SMCHD1: variants seen among roughly 807,000 people sequenced by gnomAD.
SMCHD1 encodes structural maintenance of chromosomes flexible hinge domain containing 1, also known as structural maintenance of chromosomes flexible hinge domain-containing protein 1.
In SMCHD1, 78 loss-of-function variants were observed where a neutral mutation model predicts 254.7. That is an observed-to-expected ratio of 0.31 (90% CI 0.26 to 0.37). The LOEUF is 0.37. SMCHD1 is among the 10% of genes least tolerant of loss of function. The pLI is 1.00. For synonymous variants in SMCHD1, 766 were observed against 794.9 expected, an observed-to-expected ratio of 0.96 and a Z score of 0.61; for missense variants, 1,840 against 2,408.1, an observed-to-expected ratio of 0.76 and a Z score of 4.94.
intron 3 of SMCHD1, among the ~76,000 whole-genome samples, chr18:2,669,933 G>C (rs141167554): frequency 1.5e-3 from 231 of 151,990 alleles, no homozygotes; most frequent in African/African-American, 5.3e-3. Context: ...AAATCCTTTG[G>C]GTCCTATTCT....
At chr18:2,674,322 A>G (rs985250135) in intron 5 of SMCHD1, among the ~76,000 whole-genome samples, 177 bp downstream of exon 5, 2 of 152,198 alleles carry the variant, frequency 1.3e-5, no homozygotes, top group Admixed American at 6.5e-5. Context: ...GAACTATGTA[A>G]TATTGTGCCT....
chr18:2,675,950 G>T (rs2073738345), intron 5 of SMCHD1, among the ~76,000 whole-genome samples: 2 of 152,198 alleles, frequency 1.3e-5, no homozygotes, highest in South Asian at 4.1e-4. Context: ...TTTGGTGTCA[G>T]TAAACAATCA....
At chr18:2,678,350 G>T (rs1295212856) in intron 5 of SMCHD1, among the ~76,000 whole-genome samples, 2 of 144,782 alleles carry the variant, frequency 1.4e-5, no homozygotes, top group Non-Finnish European at 3.0e-5. Flanking sequence ...GCCCAGGCTG[G>T]AGTGCAATGG....
intron 34 of SMCHD1, chr18:2,760,435 C>T (rs891080905): frequency 3.2e-5 from 12 of 369,870 alleles, no homozygotes; most frequent in Admixed American, 1.8e-4. Context: ...ATATCCAGCA[C>T]GTTTATTCTG....
At chr18:2,762,940 T>G (rs1463019393) in intron 36 of SMCHD1, among the ~76,000 whole-genome samples, 1 of 152,172 alleles carries the variant, frequency 6.6e-6, no homozygotes, top group Non-Finnish European at 1.5e-5. Flanking sequence ...TGACTGCTCA[T>G]AGTTAAGAAA....
intron 17 of SMCHD1, among the ~76,000 whole-genome samples, chr18:2,713,548 G>A (rs1351306455): frequency 2.6e-5 from 4 of 152,046 alleles, no homozygotes; most frequent in Non-Finnish European, 5.9e-5. Flanking sequence ...AGCCAGGTGT[G>A]GTGATGTGCG....
At chr18:2,744,021 G>A (rs2075400849) in intron 29 of SMCHD1, 93 bp downstream of exon 29, 2 of 1,122,656 alleles carry the variant, frequency 1.8e-6, no homozygotes, top group Non-Finnish European at 2.4e-6. Flanking sequence ...ATATTTTGTT[G>A]CTGAAGTAAC....
At chr18:2,722,728 G>A (rs2074951798) in intron 20 of SMCHD1, 65 bp downstream of exon 20, 1 of 1,422,468 alleles carries the variant, frequency 7.0e-7, no homozygotes, top group South Asian at 1.5e-5. Flanking sequence ...CTTTTTTTCA[G>A]CTTCATTTTT....
At chr18:2,722,432 T>C in intron 19 of SMCHD1, 87 bp from the exon 20 acceptor site, 1 of 1,105,274 alleles carries the variant, frequency 9.0e-7, no homozygotes, top group Non-Finnish European at 1.3e-6. Flanking sequence ...CTAAAATTTC[T>C]CAGATAGAAA....
chr18:2,754,977 A>G (rs968333784), intron 34 of SMCHD1, among the ~76,000 whole-genome samples: 1 of 152,128 alleles, frequency 6.6e-6, no homozygotes, highest in Non-Finnish European at 1.5e-5. Flanking sequence ...GTTTTTGGTT[A>G]GAGAGATGCA....
At chr18:2,661,687 T>C (rs992260125) in intron 1 of SMCHD1, among the ~76,000 whole-genome samples, 1 of 152,208 alleles carries the variant, frequency 6.6e-6, no homozygotes, top group Non-Finnish European at 1.5e-5. Context: ...TACAATTAGA[T>C]GGTCAGGAGC....
chr18:2,698,638 G>A (rs1568171154), intron 10 of SMCHD1, among the ~76,000 whole-genome samples: 4 of 151,696 alleles, frequency 2.6e-5, no homozygotes, highest in African/African-American at 9.7e-5. Flanking sequence ...AAAGTACTAG[G>A]ATTACAGGTG....
In SMCHD1 at chr18:2,775,999, T is replaced by C. The variant is rs2076059827; in HGVS notation, c.5366+75T>C. 7.1e-6 allele frequency: 9 copies of C among 1,268,396 alleles called. No homozygotes were observed. The South Asian group carries it at 1.0e-4, about 14-fold the overall frequency. 78.6% of individuals were successfully genotyped at this position (1,268,396 alleles called of 1,614,324 possible). ...TTTATCAAAGCCTTGAATTTAAAAA[T>C]GATTTCTCTAAAAGATACCTAAAAC... On this transcript the variant is annotated intron_variant, in intron 42 of 47. Coordinates refer to ENST00000320876, the MANE Select transcript of SMCHD1 (RefSeq NM_015295.3).
At chr18:2,733,614 A>G (rs550450418) in intron 25 of SMCHD1, among the ~76,000 whole-genome samples, 49 of 152,326 alleles carry the variant, frequency 3.2e-4, no homozygotes, top group Non-Finnish European at 5.3e-4. Flanking sequence ...ACAGTTTTCT[A>G]TGTTGACCTA....
intron 7 of SMCHD1, among the ~76,000 whole-genome samples, chr18:2,689,444 C>G (rs957545698): frequency 1.3e-4 from 19 of 151,958 alleles, no homozygotes; most frequent in African/African-American, 4.6e-4. Flanking sequence ...TGGTTTTGAA[C>G]TCCTGACCTC....
intron 1 of SMCHD1, among the ~76,000 whole-genome samples, chr18:2,659,766 A>G (rs561859907): frequency 3.1e-5 from 2 of 64,570 alleles, no homozygotes; most frequent in East Asian, 2.3e-4. Flanking sequence ...AGATTTTGAA[A>G]AAAAAAAAAA....
chr18:2,784,752 T>A, intron 45 of SMCHD1, 131 bp downstream of exon 45: 2 of 1,043,410 alleles, frequency 1.9e-6, no homozygotes, highest in Non-Finnish European at 2.8e-6. Flanking sequence ...AAGTAAGATG[T>A]TTTTGTCTAC....
chr18:2,763,472 C>T (rs1368334837), intron 36 of SMCHD1, among the ~76,000 whole-genome samples, 165 bp from the exon 37 acceptor site: 1 of 152,138 alleles, frequency 6.6e-6, no homozygotes, highest in African/African-American at 2.4e-5. Context: ...TATTTCTTGC[C>T]TGTGGAACAC....
chr18:2,774,115 G>A (rs2143762074), intron 41 of SMCHD1, among the ~76,000 whole-genome samples: 2 of 151,746 alleles, frequency 1.3e-5, no homozygotes, highest in South Asian at 4.1e-4. Flanking sequence ...AGATGTAGTA[G>A]CAGTTTTAAG....
Sources: allele counts gnomAD v4.1 joint callset (sites outside exome capture counted in the v4.1 genomes callset), GRCh38; gene constraint gnomAD v4.1.1; transcripts MANE v1.5; gene names NCBI Gene and HGNC (gene_info 2026-07-23, HGNC 2026-07-21).